LIMCH1: variants seen among roughly 807,000 people sequenced by gnomAD.
LIMCH1 encodes LIM and calponin homology domains 1.
LIMCH1 carries 113 observed loss-of-function variants against 176.5 expected under a neutral mutation model. That is an observed-to-expected ratio of 0.64 (90% CI 0.55 to 0.75). LIMCH1 has a LOEUF of 0.75. Among genes scored for constraint, LIMCH1 ranks in the 30% least tolerant of loss-of-function variants. LIMCH1 has a pLI of 0.00. For missense variants in LIMCH1, 1,674 were observed against 1,814.9 expected, an observed-to-expected ratio of 0.92 and a Z score of 1.41; for synonymous variants, 619 against 645.9, an observed-to-expected ratio of 0.96 and a Z score of 0.63.
intron 5 of LIMCH1, among the ~76,000 whole-genome samples, chr4:41,617,356 C>T (rs2092194651): frequency 6.6e-6 from 1 of 152,126 alleles, no homozygotes; most frequent in Non-Finnish European, 1.5e-5. Context: ...CTGTCACTAA[C>T]CAGCCCTGCA....
chr4:41,367,244 A>G (rs757322224), intron 1 of LIMCH1, among the ~76,000 whole-genome samples: 3 of 152,246 alleles, frequency 2.0e-5, no homozygotes, highest in Non-Finnish European at 2.9e-5. Flanking sequence ...TACCTTTGGC[A>G]TCAGGAAAAG....
chr4:41,623,524 G>C (rs553059100), intron 7 of LIMCH1, among the ~76,000 whole-genome samples: 1 of 152,152 alleles, frequency 6.6e-6, no homozygotes, highest in Non-Finnish European at 1.5e-5. Flanking sequence ...TTGGCAGGCC[G>C]AGGCGGGCGG....
rs911795426 is a variant in LIMCH1, at chr4:41,434,075, G to A, written c.97-60461G>A. Among the ~76,000 whole-genome samples, 20 of 116,308 alleles carry A rather than the reference G, an allele frequency of 1.7e-4. 1 individual carries two copies. The Admixed American group carries it at 2.0e-3, about 11-fold the overall frequency. The allele number at this position is 116,308 out of a possible 152,430, so 76.3% of individuals were successfully genotyped here. On this transcript the variant is annotated intron_variant, in intron 1 of 26. Coordinates refer to the LIMCH1 transcript ENST00000313860. ...TGACATAAGAGGACAAAATGGTGAG[G>A]TCAGGTGGAAGGGGCCCCAGGGCAC...
chr4:41,446,372 A>G (rs1027327033), intron 1 of LIMCH1, among the ~76,000 whole-genome samples: 2 of 152,238 alleles, frequency 1.3e-5, no homozygotes, highest in African/African-American at 4.8e-5. Flanking sequence ...AAAATAGATC[A>G]AAGACTAGAT....
chr4:41,467,497 A>C (rs2066323458), intron 1 of LIMCH1, among the ~76,000 whole-genome samples: 1 of 152,212 alleles, frequency 6.6e-6, no homozygotes, highest in East Asian at 1.9e-4. Context: ...GCAAGAGGGC[A>C]TGTGCAGGGG....
chr4:41,664,189 G>A (rs1327021853), intron 20 of LIMCH1, among the ~76,000 whole-genome samples: 6 of 152,310 alleles, frequency 3.9e-5, no homozygotes, highest in East Asian at 1.9e-4. Flanking sequence ...AAGACTATCC[G>A]TAGTGGTGTA....
At chr4:41,584,765 C>T (rs948680476) in intron 1 of LIMCH1, among the ~76,000 whole-genome samples, 5 of 152,136 alleles carry the variant, frequency 3.3e-5, no homozygotes, top group African/African-American at 1.2e-4. Context: ...AAGTTATATT[C>T]ACAATGTTAT....
chr4:41,681,468 C>G (rs1388891007), intron 25 of LIMCH1, among the ~76,000 whole-genome samples: 2 of 152,132 alleles, frequency 1.3e-5, no homozygotes, highest in Non-Finnish European at 2.9e-5. Flanking sequence ...TTGGCAGTAG[C>G]AAAGATGTCA....
In LIMCH1 at chr4:41,360,909, C is replaced by A; in HGVS notation, c.69C>A (p.Ala23=). Residue 23 remains alanine, a synonymous_variant, in exon 1 of 27, where the codon GCC becomes GCA. Coordinates refer to the LIMCH1 transcript ENST00000313860. The surrounding 1 kb of genome is among the most constrained non-coding windows in gnomAD (Gnocchi z 4.5). ...AGCCCGAGCCGCCCCCCGAGCCCGC[C>A]TTCTCCGAGGCGCAGAAGTGGATTG... The A allele has an allele frequency of 6.3e-7, 1 of 1,588,480 alleles. No homozygotes were observed. Among genetic ancestry groups the A allele is most frequent in the South Asian group, 1.2e-5 (1 of 86,766 alleles).
chr4:41,608,894 T>A (rs2091072033), intron 4 of LIMCH1, among the ~76,000 whole-genome samples: 1 of 152,296 alleles, frequency 6.6e-6, no homozygotes, highest in East Asian at 1.9e-4. Context: ...CATTATTTCT[T>A]CCTATAGGCA....
intron 1 of LIMCH1, among the ~76,000 whole-genome samples, chr4:41,401,057 T>C (rs541358528): frequency 6.6e-6 from 1 of 152,394 alleles, no homozygotes; most frequent in South Asian, 2.1e-4. Flanking sequence ...TTGTCAATTT[T>C]GGCTTTTGTT....
chr4:41,563,691 A>G (rs2082351902), intron 1 of LIMCH1, among the ~76,000 whole-genome samples: 1 of 152,214 alleles, frequency 6.6e-6, no homozygotes, highest in Non-Finnish European at 1.5e-5. Flanking sequence ...CAAAAAATGA[A>G]CAAGTATTGC....
chr4:41,395,636 G>T (rs947067813), intron 1 of LIMCH1, among the ~76,000 whole-genome samples: 15 of 152,092 alleles, frequency 9.9e-5, no homozygotes, highest in Admixed American at 7.9e-4. Context: ...TGGTAGCTGG[G>T]TCTCAATTTT....
chr4:41,594,367 TA>T (rs1417832416), intron 1 of LIMCH1, among the ~76,000 whole-genome samples: 20 of 152,228 alleles, frequency 1.3e-4, no homozygotes, highest in Non-Finnish European at 1.9e-4. Flanking sequence ...GCCATTATAG[TA>T]AAGCAGTGTC....
chr4:41,591,657 G>A (rs28715662), intron 1 of LIMCH1, among the ~76,000 whole-genome samples: 13,106 of 152,144 alleles, frequency 0.086, 1,831 homozygotes, highest in African/African-American at 0.3. Flanking sequence ...CTTTTCATTT[G>A]TGGAAACTGA....
At chr4:41,403,752 A>G (rs970259510) in intron 1 of LIMCH1, among the ~76,000 whole-genome samples, 1 of 152,202 alleles carries the variant, frequency 6.6e-6, no homozygotes, top group East Asian at 1.9e-4. Flanking sequence ...AGCAAGCCTC[A>G]TTAATCTCAT....
rs79631224 is a variant in LIMCH1, at chr4:41,670,766, G to A, written c.3398-788G>A. ...CCGCTTAGAGTTCAGAACTCTTGGC[G>A]ACGATCCCAGTTTTTCTCCCAGTCA... On this transcript the variant is annotated intron_variant, in intron 21 of 31. Coordinates refer to ENST00000503057, the MANE Select transcript of LIMCH1 (RefSeq NM_001330672.2). 3,014 of 1,535,888 alleles carry A rather than the reference G, an allele frequency of 2.0e-3. 48 individuals carry two copies. The African/African-American group carries it at 0.034, about 17-fold the overall frequency.
At chr4:41,534,109 T>A (rs191831593), upstream of LIMCH1, among the ~76,000 whole-genome samples, 1 of 152,172 alleles carries the variant, frequency 6.6e-6, no homozygotes, top group East Asian at 1.9e-4. Context: ...AAGCTGATTA[T>A]GGCAAGATAC....
At chr4:41,496,866 G>T (rs993693949) in intron 2 of LIMCH1, among the ~76,000 whole-genome samples, 2 of 152,192 alleles carry the variant, frequency 1.3e-5, no homozygotes, top group Non-Finnish European at 2.9e-5. Flanking sequence ...TCAAACACCT[G>T]TCTTTGGAGA....
Sources: gnomAD v4.1 joint callset for allele counts (sites outside exome capture counted in the v4.1 genomes callset) on GRCh38, gnomAD v4.1.1 for gene constraint, Gnocchi (gnomAD v3.1) non-coding constraint, MANE v1.5 for transcripts, NCBI Gene and HGNC (gene_info 2026-07-23, HGNC 2026-07-21) for gene names.